The following XPR1 variants were observed in gnomAD, a reference collection of about 807,000 sequenced individuals.
XPR1 encodes xenotropic and polytropic retrovirus receptor 1, also known as solute carrier family 53 member 1.
In XPR1, 28 loss-of-function variants were observed where a neutral mutation model predicts 87.5. That is an observed-to-expected ratio of 0.32 (90% CI 0.24 to 0.44). The LOEUF (loss-of-function observed/expected upper bound fraction) is 0.44. Ranked by LOEUF, XPR1 falls within the 20% of genes least tolerant of loss-of-function variation. XPR1 has a pLI of 1.00. For synonymous variants in XPR1, 300 were observed against 306.1 expected (o/e 0.98, Z 0.21); for missense variants, 559 against 862.3 (o/e 0.65, Z 4.41).
At chr1:180,813,155 T>C (rs1650286215) in intron 7 of XPR1, among the ~76,000 whole-genome samples, 1 of 151,686 alleles carries the variant, frequency 6.6e-6, no homozygotes, top group Non-Finnish European at 1.5e-5. Flanking sequence ...TTACAGGATC[T>C]CACCTCTGTG....
At chr1:180,812,426 T>A (rs1650251265) in intron 7 of XPR1, among the ~76,000 whole-genome samples, 1 of 152,170 alleles carries the variant, frequency 6.6e-6, no homozygotes, top group Non-Finnish European at 1.5e-5. Context: ...TATCTCAAAC[T>A]TACACAGACA....
chr1:180,757,918 T>C (rs1488110537), intron 2 of XPR1, among the ~76,000 whole-genome samples: 3 of 139,858 alleles, frequency 2.1e-5, no homozygotes, highest in Admixed American at 7.1e-5. Flanking sequence ...CCCCTATGGG[T>C]TATAGTGATA....
intron 1 of XPR1, among the ~76,000 whole-genome samples, chr1:180,674,243 G>T (rs1229592704): frequency 6.6e-6 from 1 of 152,076 alleles, no homozygotes; most frequent in Non-Finnish European, 1.5e-5. Context: ...TACAACTTTT[G>T]TTGTTGTTGT....
intron 9 of XPR1, among the ~76,000 whole-genome samples, chr1:180,825,824 G>A (rs34111145): frequency 0.31 from 47,688 of 152,090 alleles, 8,223 homozygotes; most frequent in Non-Finnish European, 0.38. Flanking sequence ...GCCAAGGCGG[G>A]TGGATCATCT....
intron 3 of XPR1, among the ~76,000 whole-genome samples, chr1:180,797,411 G>T (rs767774292): frequency 6.6e-6 from 1 of 152,128 alleles, no homozygotes; most frequent in Non-Finnish European, 1.5e-5. Flanking sequence ...GATTAGCCTT[G>T]CAAAACGAGT....
intron 2 of XPR1, among the ~76,000 whole-genome samples, chr1:180,720,965 T>A (rs1319320550): frequency 4.6e-5 from 7 of 152,276 alleles, no homozygotes; most frequent in South Asian, 4.1e-4. Context: ...CCAGGCGTGG[T>A]GACTCATGCC....
chr1:180,857,815 T>A (rs1652084805), intron 11 of XPR1, among the ~76,000 whole-genome samples: 1 of 152,194 alleles, frequency 6.6e-6, no homozygotes, highest in Non-Finnish European at 1.5e-5. Context: ...TTGGAGTTAG[T>A]CTTTAGTATT....
intron 2 of XPR1, among the ~76,000 whole-genome samples, chr1:180,738,860 G>A (rs1369235093): frequency 2.0e-5 from 3 of 151,934 alleles, no homozygotes; most frequent in Non-Finnish European, 4.4e-5. Flanking sequence ...TTTAACAGTG[G>A]CCTTCACATA....
chr1:180,844,190 G>A (rs1005609803), intron 11 of XPR1, among the ~76,000 whole-genome samples: 16 of 152,248 alleles, frequency 1.1e-4, no homozygotes, highest in Admixed American at 9.8e-4. Flanking sequence ...CAGCCTGGGC[G>A]ACAGGGCAAG....
chr1:180,740,992 A>G (rs541858348), intron 2 of XPR1, among the ~76,000 whole-genome samples: 1 of 152,328 alleles, frequency 6.6e-6, no homozygotes, highest in East Asian at 1.9e-4. Context: ...TGTTCACCAA[A>G]GGCCCACCTC....
At position 180,889,815 on chromosome 1, in the gene XPR1, C is replaced by T. The variant is rs1182099784; in HGVS notation, c.*5749C>T. The T allele has an allele frequency of 6.6e-6, 1 of 152,234 alleles. No individual in the cohort carries two copies. The highest frequency in any genetic ancestry group is 1.5e-5 in the Non-Finnish European group (1 of 68,050). The allele number at this position is 152,234 out of a possible 1,614,324, so 9.4% of individuals were successfully genotyped here. On this transcript the variant is annotated 3_prime_UTR_variant, in exon 15 of 15. Transcript: ENST00000367590. ...TGTTTCCTTCACCCCTCTCCCTCCA[C>T]CACACTGTGTTGGTCAAATGATACT...
chr1:180,821,464 G>A (rs552985734), intron 7 of XPR1, among the ~76,000 whole-genome samples: 1 of 152,194 alleles, frequency 6.6e-6, no homozygotes, highest in African/African-American at 2.4e-5. Flanking sequence ...TTTGTAGTAA[G>A]TTTTAAAATG....
At chr1:180,756,755 G>A (rs1347465696) in intron 2 of XPR1, among the ~76,000 whole-genome samples, 1 of 152,094 alleles carries the variant, frequency 6.6e-6, no homozygotes, top group African/African-American at 2.4e-5. Context: ...TGTAATGATA[G>A]CATTGTGGGT....
intron 6 of XPR1, among the ~76,000 whole-genome samples, chr1:180,807,615 A>T (rs1408963515): frequency 1.3e-5 from 2 of 152,330 alleles, no homozygotes; most frequent in South Asian, 4.1e-4. Flanking sequence ...TATTTTAAAG[A>T]TACGTTGTTT....
intron 1 of XPR1, among the ~76,000 whole-genome samples, chr1:180,649,050 G>A (rs1210624996): frequency 1.3e-5 from 2 of 152,148 alleles, no homozygotes; most frequent in East Asian, 3.8e-4. Flanking sequence ...TGTGGGAGGA[G>A]TATAAATCCT....
intron 9 of XPR1, among the ~76,000 whole-genome samples, chr1:180,826,507 C>T (rs751091636): frequency 1.4e-4 from 22 of 151,960 alleles, no homozygotes; most frequent in African/African-American, 4.6e-4. Flanking sequence ...ATGTTAGTGC[C>T]GCTACACTCC....
chr1:180,669,003 C>T (rs1331736220), intron 1 of XPR1, among the ~76,000 whole-genome samples: 1 of 151,248 alleles, frequency 6.6e-6, no homozygotes, highest in Non-Finnish European at 1.5e-5. Context: ...GCAGGAGAAT[C>T]GCTTGAACCC....
At chr1:180,762,648 G>T (rs1364998112) in intron 2 of XPR1, among the ~76,000 whole-genome samples, 1 of 152,186 alleles carries the variant, frequency 6.6e-6, no homozygotes, top group African/African-American at 2.4e-5. Context: ...AAGCAGCAGA[G>T]AAATTGACTA....
At chr1:180,836,267 AGAATCCCTG>A (rs1651288087) in intron 10 of XPR1, among the ~76,000 whole-genome samples, 2 of 152,042 alleles carry the variant, frequency 1.3e-5, no homozygotes, top group Admixed American at 1.3e-4. Flanking sequence ...CTGAGATGAG[AGAATCCCTG>A]GAACCGGGAG....
Sources: gnomAD v4.1 joint callset for allele counts (sites outside exome capture counted in the v4.1 genomes callset) on GRCh38, gnomAD v4.1.1 for gene constraint, MANE v1.5 for transcripts, NCBI Gene and HGNC (gene_info 2026-07-23, HGNC 2026-07-21) for gene names.